CRB1: variants seen among roughly 807,000 people sequenced by gnomAD.
The protein encoded by CRB1 is protein crumbs homolog 1.
In CRB1, 83 loss-of-function variants were observed where a neutral mutation model predicts 120.0. That is an observed-to-expected ratio of 0.69 (90% CI 0.58 to 0.83). The LOEUF (loss-of-function observed/expected upper bound fraction) is 0.83. Ranked by LOEUF, CRB1 falls within the 40% of genes least tolerant of loss-of-function variation. The pLI is 0.00. For missense variants in CRB1, 1,699 were observed against 1,687.6 expected (o/e 1.01, Z -0.12); for synonymous variants, 625 against 612.5 (o/e 1.02, Z -0.30).
At chr1:197,316,208 G>A (rs546558774) in intron 1 of CRB1, among the ~76,000 whole-genome samples, 8 of 150,370 alleles carry the variant, frequency 5.3e-5, no homozygotes, top group East Asian at 3.9e-4. Flanking sequence ...TTTTTGAGAC[G>A]GAGTCTCACT....
At chr1:197,419,848 G>A (rs970592664) in intron 5 of CRB1, among the ~76,000 whole-genome samples, 5 of 151,184 alleles carry the variant, frequency 3.3e-5, no homozygotes, top group Non-Finnish European at 5.9e-5. Flanking sequence ...GGTGGCGGGC[G>A]CCTGTAGTCC....
At chr1:197,351,551 G>C (rs1373859984) in intron 4 of CRB1, among the ~76,000 whole-genome samples, 1 of 152,116 alleles carries the variant, frequency 6.6e-6, no homozygotes, top group African/African-American at 2.4e-5. Context: ...GCCAACTACG[G>C]GGCAGAGAAA....
At chr1:197,453,940 ATAT>A (rs1285381668) in intron 11 of CRB1, among the ~76,000 whole-genome samples, 3 of 128,602 alleles carry the variant, frequency 2.3e-5, no homozygotes, top group Non-Finnish European at 4.6e-5. Context: ...ATTATTAATA[ATAT>A]ATATTATTGA....
intron 4 of CRB1, among the ~76,000 whole-genome samples, chr1:197,348,977 T>C (rs1262599471): frequency 3.9e-5 from 6 of 152,312 alleles, no homozygotes; most frequent in African/African-American, 1.4e-4. Flanking sequence ...TACAGTAGTA[T>C]ACAATAATGT....
intron 4 of CRB1, among the ~76,000 whole-genome samples, chr1:197,353,842 A>T (rs1319436071): frequency 1.3e-5 from 2 of 149,152 alleles, no homozygotes; most frequent in Non-Finnish European, 3.0e-5. Context: ...AAAAAACTTT[A>T]TACATTTCTT....
At chr1:197,417,618 T>TAG (rs1339460140) in intron 5 of CRB1, among the ~76,000 whole-genome samples, 4 of 152,180 alleles carry the variant, frequency 2.6e-5, no homozygotes, top group Non-Finnish European at 5.9e-5. Context: ...CACAGTTCTC[T>TAG]AGAGTGAGTC....
chr1:197,204,778 T>C, the CRB1 span, among the ~76,000 whole-genome samples: 24 of 152,318 alleles, frequency 1.6e-4, no homozygotes, highest in Admixed American at 4.6e-4. Context: ...TGTAGTTTAA[T>C]TAAACCCCAT....
chr1:197,361,426 T>G (rs1254173203), intron 5 of CRB1, among the ~76,000 whole-genome samples: 1 of 152,132 alleles, frequency 6.6e-6, no homozygotes. Flanking sequence ...TCAGTATTGT[T>G]ATGAGACTAT....
chr1:197,456,816 A>C (rs372321343), intron 11 of CRB1, among the ~76,000 whole-genome samples: 4 of 152,174 alleles, frequency 2.6e-5, no homozygotes, highest in African/African-American at 9.7e-5. Context: ...GGTTTCTGTA[A>C]GTCCATAATC....
Position 197,364,827 on chromosome 1 carries a change from G to A in CRB1, c.1171+7814G>A, listed in dbSNP as rs141403303. ...TTGCTTTTTAAATCATTTTTATGCT[G>A]GTTGTTTTAAAATTCTTGTTAGATA... On this transcript the variant is annotated intron_variant, in intron 5 of 11. Coordinates refer to ENST00000367400, the MANE Select transcript of CRB1 (RefSeq NM_201253.3). 9.5e-3 allele frequency among the ~76,000 whole-genome samples: 1,445 copies of A among 151,858 alleles called. 10 individuals are homozygous for A. The highest frequency in any genetic ancestry group is 0.013 in the Non-Finnish European group (914 of 67,938).
intron 11 of CRB1, among the ~76,000 whole-genome samples, chr1:197,445,950 G>A (rs533378860): frequency 1.6e-4 from 25 of 152,288 alleles, no homozygotes; most frequent in African/African-American, 6.0e-4. Context: ...AGCACTTTGG[G>A]AAGCCGAGGT....
intron 1 of CRB1, among the ~76,000 whole-genome samples, chr1:197,316,956 T>C (rs1657889332): frequency 6.6e-6 from 1 of 151,536 alleles, no homozygotes; most frequent in African/African-American, 2.4e-5. Context: ...GTAATAAATT[T>C]AACCAAGGAG....
At chr1:197,400,502 T>C (rs1189993998) in intron 5 of CRB1, among the ~76,000 whole-genome samples, 2 of 151,360 alleles carry the variant, frequency 1.3e-5, no homozygotes, top group East Asian at 2.0e-4. Flanking sequence ...ATGATGATGA[T>C]GTAATACACA....
At chr1:197,420,000 C>CAAAAAAAAAAAAAAAAAAAAA (rs200847709) in intron 5 of CRB1, among the ~76,000 whole-genome samples, 1 of 140,086 alleles carries the variant, frequency 7.1e-6, no homozygotes. Flanking sequence ...AAAAAAAAAA[C>CAAAAAAAAAAAAAAAAAAAAA]AAACAAAAAA....
intron 5 of CRB1, among the ~76,000 whole-genome samples, chr1:197,365,627 T>TTCTTC (rs1553253831): frequency 2.2e-4 from 21 of 93,362 alleles, no homozygotes; most frequent in African/African-American, 3.8e-4. Context: ...CTTCTTCTTC[T>TTCTTC]TTTTTTTTTT....
the CRB1 span, among the ~76,000 whole-genome samples, chr1:197,248,959 T>G: frequency 6.6e-6 from 1 of 151,922 alleles, no homozygotes; most frequent in Non-Finnish European, 1.5e-5. Context: ...AATACAAAAA[T>G]GTATATTATA....
chr1:197,379,643 T>C (rs1407642762), intron 5 of CRB1, among the ~76,000 whole-genome samples: 1 of 144,160 alleles, frequency 6.9e-6, no homozygotes, highest in Admixed American at 7.0e-5. Context: ...TTTTTCTAGC[T>C]CATTCAGGAA....
chr1:197,232,463 C>G, the CRB1 span, among the ~76,000 whole-genome samples: 3 of 151,984 alleles, frequency 2.0e-5, no homozygotes, highest in Non-Finnish European at 4.4e-5. Flanking sequence ...GAGTGGTAGT[C>G]AGCAGATGTG....
chr1:197,205,349 A>G, the CRB1 span, among the ~76,000 whole-genome samples: 1 of 152,148 alleles, frequency 6.6e-6, no homozygotes, highest in Non-Finnish European at 1.5e-5. Context: ...AATGCTTTCA[A>G]CTTTTCCCCA....
Sources: allele counts gnomAD v4.1 joint callset (sites outside exome capture counted in the v4.1 genomes callset), GRCh38; gene constraint gnomAD v4.1.1; transcripts MANE v1.5; gene names NCBI Gene and HGNC (gene_info 2026-07-23, HGNC 2026-07-21).